The following GLIS1 variants were observed in gnomAD, a reference collection of about 807,000 sequenced individuals.
GLIS1 encodes zinc finger protein GLIS1.
GLIS1 carries 24 observed loss-of-function variants against 63.8 expected under a neutral mutation model. The ratio of observed to expected loss-of-function variants is 0.38; its 90% CI spans 0.27 to 0.53. The LOEUF is 0.53. Ranked by LOEUF, GLIS1 falls within the 20% of genes least tolerant of loss-of-function variation. GLIS1 has a pLI of 0.85. For missense variants in GLIS1, 1,036 were observed against 1,074.1 expected (o/e 0.96, Z 0.50); for synonymous variants, 450 against 482.5 (o/e 0.93, Z 0.88).
intron 1 of GLIS1, among the ~76,000 whole-genome samples, chr1:53,738,859 C>G (rs1646939677): frequency 6.6e-6 from 1 of 152,176 alleles, no homozygotes; most frequent in African/African-American, 2.4e-5. Flanking sequence ...CCCACACTGC[C>G]GCTGGTCAGA....
intron 4 of GLIS1, among the ~76,000 whole-genome samples, chr1:53,580,631 C>A (rs933018414): frequency 4.6e-5 from 7 of 152,138 alleles, no homozygotes; most frequent in African/African-American, 1.7e-4. Flanking sequence ...AATCCCAGCT[C>A]TTGATCTCTC....
At chr1:53,513,747 G>A (rs951943357) in intron 8 of GLIS1, among the ~76,000 whole-genome samples, 57 of 152,222 alleles carry the variant, frequency 3.7e-4, no homozygotes, top group African/African-American at 1.4e-3. Context: ...CTCCATAATT[G>A]AACACCGAAT....
chr1:53,569,134 T>G (rs990371347), intron 4 of GLIS1, among the ~76,000 whole-genome samples: 1 of 152,062 alleles, frequency 6.6e-6, no homozygotes, highest in African/African-American at 2.4e-5. Context: ...AAAACATCGG[T>G]GGTTGCCAAG....
At chr1:53,681,475 C>T (rs370458601) in intron 2 of GLIS1, among the ~76,000 whole-genome samples, 3 of 152,372 alleles carry the variant, frequency 2.0e-5, no homozygotes, top group African/African-American at 7.2e-5. Flanking sequence ...GGACCCAAGT[C>T]AGAGACAAGG....
At chr1:53,681,135 G>A (rs1646270620) in intron 2 of GLIS1, among the ~76,000 whole-genome samples, 1 of 152,216 alleles carries the variant, frequency 6.6e-6, no homozygotes, top group Admixed American at 6.5e-5. Flanking sequence ...AGTTAAAGAG[G>A]AAAACTCCAG....
intron 2 of GLIS1, among the ~76,000 whole-genome samples, chr1:53,730,935 C>T (rs775436832): frequency 3.2e-4 from 49 of 152,212 alleles, no homozygotes; most frequent in Non-Finnish European, 5.1e-4. Flanking sequence ...CTTCATCCCA[C>T]CAAGTGTTTA....
At chr1:53,558,817 C>T (rs568626) in intron 4 of GLIS1, among the ~76,000 whole-genome samples, 2,923 of 152,312 alleles carry the variant, frequency 0.019, 92 homozygotes, top group African/African-American at 0.064. Flanking sequence ...GGCCCCGACA[C>T]GTGTTGAATA....
At chr1:53,508,985 T>A in intron 10 of GLIS1, 135 bp downstream of exon 10, 2 of 867,882 alleles carry the variant, frequency 2.3e-6, no homozygotes, top group South Asian at 2.0e-5. Flanking sequence ...GAGCCTCTAC[T>A]TCCCCCTCTG....
At chr1:53,536,962 G>C (rs1427050000) in intron 4 of GLIS1, among the ~76,000 whole-genome samples, 1 of 151,034 alleles carries the variant, frequency 6.6e-6, no homozygotes, top group Non-Finnish European at 1.5e-5. Flanking sequence ...AAAAAACGGG[G>C]AAAATACCCC....
chr1:53,585,372 A>G (rs1161611855), intron 4 of GLIS1, among the ~76,000 whole-genome samples: 3 of 151,992 alleles, frequency 2.0e-5, no homozygotes, highest in African/African-American at 7.3e-5. Flanking sequence ...ATGCCACGTG[A>G]CTTGTCTTGA....
chr1:53,573,175 G>A (rs1644999712), intron 4 of GLIS1, among the ~76,000 whole-genome samples: 2 of 152,160 alleles, frequency 1.3e-5, no homozygotes, highest in Non-Finnish European at 2.9e-5. Flanking sequence ...TGTTTACTGA[G>A]CTCAATTACC....
intron 4 of GLIS1, among the ~76,000 whole-genome samples, chr1:53,578,798 T>G (rs1187095313): frequency 6.6e-6 from 1 of 152,198 alleles, no homozygotes; most frequent in Non-Finnish European, 1.5e-5. Flanking sequence ...AATAACTCAA[T>G]GATAAGGAAC....
At chr1:53,601,298 A>G (rs1285824587) in intron 2 of GLIS1, among the ~76,000 whole-genome samples, 1 of 152,226 alleles carries the variant, frequency 6.6e-6, no homozygotes, top group Non-Finnish European at 1.5e-5. Flanking sequence ...CAAAGTCTCT[A>G]GCACGGTGCT....
At chr1:53,732,068 T>C (rs1646867084) in intron 2 of GLIS1, among the ~76,000 whole-genome samples, 1 of 152,176 alleles carries the variant, frequency 6.6e-6, no homozygotes, top group Admixed American at 6.5e-5. Context: ...ACCAAATAAA[T>C]TCAGGCCATC....
chr1:53,506,850 C>T, intron 10 of GLIS1, 74 bp from the exon 11 acceptor site: 2 of 1,410,466 alleles, frequency 1.4e-6, no homozygotes, highest in Non-Finnish European at 1.9e-6. Flanking sequence ...CAGTTCCAGG[C>T]CCCACCCCGC....
At chr1:53,711,067 G>A (rs1408608047) in intron 2 of GLIS1, among the ~76,000 whole-genome samples, 1 of 152,096 alleles carries the variant, frequency 6.6e-6, no homozygotes, top group Non-Finnish European at 1.5e-5. Flanking sequence ...CAGGCCAAAA[G>A]GAAAACACTG....
intron 4 of GLIS1, among the ~76,000 whole-genome samples, chr1:53,559,659 C>A (rs1346910604): frequency 6.6e-6 from 1 of 152,168 alleles, no homozygotes; most frequent in Non-Finnish European, 1.5e-5. Context: ...TGAGCCCCTG[C>A]GAGCCTCTGT....
At chr1:53,616,598 G>T (rs1350770573) in intron 2 of GLIS1, among the ~76,000 whole-genome samples, 1 of 152,176 alleles carries the variant, frequency 6.6e-6, no homozygotes, top group Non-Finnish European at 1.5e-5. Flanking sequence ...GGACAGGAGA[G>T]GGGTGTGTGG....
intron 4 of GLIS1, among the ~76,000 whole-genome samples, chr1:53,538,044 C>A (rs571449954): frequency 6.6e-5 from 10 of 152,238 alleles, no homozygotes; most frequent in Non-Finnish European, 7.3e-5. Flanking sequence ...CACTGAGGGC[C>A]GCTCCTCGCT....
Sources: allele counts gnomAD v4.1 joint callset (sites outside exome capture counted in the v4.1 genomes callset), GRCh38; gene constraint gnomAD v4.1.1; transcripts MANE v1.5; gene names NCBI Gene and HGNC (gene_info 2026-07-23, HGNC 2026-07-21).